The following MRPL22 variants were observed in gnomAD, a reference collection of about 807,000 sequenced individuals.
MRPL22 encodes the protein mitochondrial ribosomal protein L22.
In MRPL22, 27 loss-of-function variants were observed where a neutral mutation model predicts 32.4. The observed-to-expected ratio is 0.83, with a 90% CI of 0.61 to 1.15. The LOEUF (loss-of-function observed/expected upper bound fraction) is 1.15. MRPL22 is among the 50% of genes most tolerant of loss of function. The pLI, the probability that MRPL22 is intolerant of heterozygous loss-of-function variation, is 0.00. For missense variants in MRPL22, 239 were observed against 260.2 expected, an observed-to-expected ratio of 0.92 and a Z score of 0.56; for synonymous variants, 86 against 87.3, an observed-to-expected ratio of 0.99 and a Z score of 0.08.
intron 2 of MRPL22, among the ~76,000 whole-genome samples, chr5:154,945,966 A>G (rs1335709374): frequency 6.6e-6 from 1 of 152,146 alleles, no homozygotes; most frequent in East Asian, 1.9e-4. Flanking sequence ...ATTTAATTTG[A>G]TTATAGTAGT....
intron 6 of MRPL22, among the ~76,000 whole-genome samples, chr5:154,965,406 G>C (rs1409045845): frequency 6.6e-6 from 1 of 151,748 alleles, no homozygotes; most frequent in Non-Finnish European, 1.5e-5. Context: ...GTGAACAGGT[G>C]AACAGTTCTT....
chr5:154,948,412 A>T, intron 2 of MRPL22, among the ~76,000 whole-genome samples: 1 of 151,742 alleles, frequency 6.6e-6, no homozygotes. Context: ...TTTTTATTCA[A>T]CCCTCTCTTT....
chr5:154,952,784 C>T (rs1289317316), intron 3 of MRPL22, among the ~76,000 whole-genome samples: 2 of 152,116 alleles, frequency 1.3e-5, no homozygotes, highest in Non-Finnish European at 2.9e-5. Flanking sequence ...CAGCTGCAGC[C>T]ATTATTAAAA....
intron 6 of MRPL22, 132 bp downstream of exon 6, chr5:154,960,181 A>T: frequency 1.6e-6 from 1 of 643,516 alleles, no homozygotes; most frequent in Non-Finnish European, 2.7e-6. Flanking sequence ...GTAATGGCTT[A>T]TTCTTCAGCT....
At chr5:154,954,958 A>ATTT (rs796880540) in intron 3 of MRPL22, among the ~76,000 whole-genome samples, 3 of 145,628 alleles carry the variant, frequency 2.1e-5, no homozygotes, top group African/African-American at 7.5e-5. Context: ...TGCCCGGCTA[A>ATTT]TTTTTTTTTT....
intron 3 of MRPL22, among the ~76,000 whole-genome samples, chr5:154,952,860 C>T (rs558646146): frequency 3.9e-5 from 6 of 152,264 alleles, no homozygotes; most frequent in Admixed American, 1.3e-4. Context: ...TTCTGATCTT[C>T]TGCATTAGAA....
At position 154,969,204 on chromosome 5, in the gene MRPL22, T is replaced by C. The variant is rs1764813291; in HGVS notation, c.*2307T>C. The C allele has an allele frequency of 6.6e-6, 1 of 152,198 alleles. No individual in the cohort carries two copies. The highest frequency in any genetic ancestry group is 1.5e-5 in the Non-Finnish European group (1 of 68,034). The allele number at this position is 152,198 out of a possible 1,614,324, so 9.4% of individuals were successfully genotyped here. A position where few individuals can be genotyped will look rare whatever the true frequency, so the allele number is the denominator to read the frequency against. ...GAGGTGATTGATGATGGGTGTGGTG[T>C]ACCCCATGCTGTTCTCGTGATAGTG... On this transcript the variant is annotated 3_prime_UTR_variant, in exon 7 of 7. Transcript: ENST00000523037.
chr5:154,952,146 G>A (rs1262728945), intron 3 of MRPL22, among the ~76,000 whole-genome samples: 4 of 152,144 alleles, frequency 2.6e-5, no homozygotes, highest in Non-Finnish European at 5.9e-5. Flanking sequence ...CTCCCAAAGT[G>A]CTGGGATTAC....
At chr5:154,943,346 A>G (rs1158563249) in intron 2 of MRPL22, among the ~76,000 whole-genome samples, 1 of 151,966 alleles carries the variant, frequency 6.6e-6, no homozygotes, top group Non-Finnish European at 1.5e-5. Flanking sequence ...CCTGGGCTCA[A>G]GTGATCCTCC....
chr5:154,956,790 G>A (rs1764635973), intron 4 of MRPL22: 2 of 334,048 alleles, frequency 6.0e-6, no homozygotes, highest in South Asian at 1.0e-4. Context: ...TATAGATGAG[G>A]GGAGACTGAA....
intron 2 of MRPL22, among the ~76,000 whole-genome samples, chr5:154,943,719 G>C (rs931439382): frequency 6.6e-6 from 1 of 150,984 alleles, no homozygotes; most frequent in Non-Finnish European, 1.5e-5. Context: ...GTGTCACCCA[G>C]GCTGGAGTGC....
At chr5:154,956,561 G>T (rs1764633653) in intron 4 of MRPL22, 125 bp downstream of exon 4, 2 of 650,770 alleles carry the variant, frequency 3.1e-6, no homozygotes, top group Non-Finnish European at 5.3e-6. Flanking sequence ...GATATAATTG[G>T]TAGGTTGTCA....
intron 6 of MRPL22, among the ~76,000 whole-genome samples, chr5:154,962,759 G>A (rs1764721216): frequency 6.6e-6 from 1 of 152,144 alleles, no homozygotes; most frequent in South Asian, 2.1e-4. Context: ...TCTGCTTAGT[G>A]ATTCATGGCA....
Position 154,941,264 on chromosome 5 carries a change from G to C in MRPL22, c.76G>C (p.Gly26Arg), listed in dbSNP as rs555071499. ...GAGGAGCCGGGGGAAGCTGGCCTTGGGGTGAGTCTCTCGCTTCGGAGTTTC... is the reference window on the plus strand; with the variant it reads ...GAGGAGCCGGGGGAAGCTGGCCTTGCGGTGAGTCTCTCGCTTCGGAGTTTC... ...NLRSRGKLAL[G>R]VLPQSYIHTS... Residue 26 changes from glycine (G) to arginine (R), a missense_variant and splice_region_variant, in exon 2 of 7, where the codon GGT (glycine) becomes CGT (arginine). Coordinates refer to ENST00000523037, the MANE Select transcript of MRPL22 (RefSeq NM_014180.4). 1.8e-5 allele frequency: 29 copies of C among 1,613,008 alleles called. No homozygotes were observed. The South Asian group carries it at 2.9e-4, about 16-fold the overall frequency.
intron 6 of MRPL22, among the ~76,000 whole-genome samples, chr5:154,964,324 G>A (rs1014134521): frequency 3.9e-5 from 6 of 152,132 alleles, no homozygotes; most frequent in African/African-American, 1.4e-4. Context: ...CTTGACCCAC[G>A]TTTCAATAGG....
chr5:154,957,704 CTCTGA>C (rs1382847791), intron 5 of MRPL22, among the ~76,000 whole-genome samples: 1 of 151,784 alleles, frequency 6.6e-6, no homozygotes, highest in African/African-American at 2.4e-5. Context: ...CTAGTCCTTT[CTCTGA>C]TCTTTTTCTT....
intron 2 of MRPL22, among the ~76,000 whole-genome samples, chr5:154,943,810 C>T (rs566809354): frequency 6.6e-6 from 1 of 151,936 alleles, no homozygotes; most frequent in South Asian, 2.1e-4. Context: ...GGATCACAGG[C>T]GTGCACTACT....
chr5:154,967,818 C>G lies in MRPL22; in HGVS notation c.*921C>G, dbSNP rs1356390443. On this transcript the variant is annotated 3_prime_UTR_variant, in exon 7 of 7. Transcript: ENST00000523037. The surrounding 1 kb of genome is among the most constrained non-coding windows in gnomAD (Gnocchi z 4.7). ...GATGCTTGCTTGTTAATGCAGACTTCTGGGCCCCACCCCAATGATTCAATT... is the reference window on the plus strand; with the variant it reads ...GATGCTTGCTTGTTAATGCAGACTTGTGGGCCCCACCCCAATGATTCAATT... 6.6e-6 allele frequency: 1 copy of G among 152,190 alleles called. No homozygotes were observed. Among genetic ancestry groups the G allele is most frequent in the Non-Finnish European group, 1.5e-5 (1 of 68,036 alleles). 9.4% of individuals were successfully genotyped at this position (152,190 alleles called of 1,614,324 possible).
intron 5 of MRPL22, among the ~76,000 whole-genome samples, chr5:154,958,358 A>G (rs1764658524): frequency 6.6e-6 from 1 of 152,024 alleles, no homozygotes; most frequent in Non-Finnish European, 1.5e-5. Context: ...TTTAGTAGTA[A>G]TAGGTAAATA....
Sources: allele counts gnomAD v4.1 joint callset (sites outside exome capture counted in the v4.1 genomes callset), GRCh38; gene constraint gnomAD v4.1.1; non-coding constraint Gnocchi (gnomAD v3.1); transcripts MANE v1.5; gene names NCBI Gene and HGNC (gene_info 2026-07-23, HGNC 2026-07-21).